The following PRKN variants were observed in gnomAD, a reference collection of about 807,000 sequenced individuals.
PRKN encodes E3 ubiquitin-protein ligase parkin.
Under a neutral mutation model 59.5 loss-of-function variants are expected in PRKN, and 56 were observed. The ratio of observed to expected loss-of-function variants is 0.94; its 90% CI spans 0.76 to 1.18. The LOEUF is 1.18. PRKN is among the 50% of genes most tolerant of loss of function. The pLI is 0.00. For missense variants in PRKN, 657 were observed against 596.4 expected (o/e 1.10, Z -1.06); for synonymous variants, 250 against 222.1 (o/e 1.13, Z -1.12).
intron 3 of PRKN, among the ~76,000 whole-genome samples, chr6:162,258,844 A>C (rs1053239793): frequency 6.6e-5 from 10 of 152,182 alleles, no homozygotes; most frequent in African/African-American, 2.4e-4. Flanking sequence ...TTGCGTTCTT[A>C]GTACCAACAG....
At chr6:161,838,319 C>A (rs572822193) in intron 6 of PRKN, among the ~76,000 whole-genome samples, 104 of 152,270 alleles carry the variant, frequency 6.8e-4, no homozygotes, top group African/African-American at 2.5e-3. Flanking sequence ...CAGTGTTACC[C>A]ATAAATAAAA....
At chr6:162,455,571 T>C (rs1490482753) in intron 1 of PRKN, among the ~76,000 whole-genome samples, 3 of 152,144 alleles carry the variant, frequency 2.0e-5, no homozygotes, top group South Asian at 2.1e-4. Context: ...CACCATCATA[T>C]ATGTGGTCCC....
chr6:161,840,470 A>T (rs1792937722), intron 6 of PRKN, among the ~76,000 whole-genome samples: 1 of 152,216 alleles, frequency 6.6e-6, no homozygotes, highest in Non-Finnish European at 1.5e-5. Context: ...GTTCAGGGGT[A>T]CATGTGCAGG....
At chr6:161,979,154 TTTTTTG>T (rs1264948937) in intron 5 of PRKN, among the ~76,000 whole-genome samples, 1 of 152,082 alleles carries the variant, frequency 6.6e-6, no homozygotes, top group East Asian at 1.9e-4. Context: ...AAATGGCCAG[TTTTTTG>T]TTTTTGTTTT....
intron 6 of PRKN, among the ~76,000 whole-genome samples, chr6:161,788,752 G>C (rs1310866797): frequency 1.3e-5 from 2 of 152,154 alleles, no homozygotes; most frequent in African/African-American, 4.8e-5. Context: ...CTGGAATGTT[G>C]TGTGTGTTTC....
At chr6:161,802,278 C>A (rs1359418614) in intron 6 of PRKN, among the ~76,000 whole-genome samples, 1 of 152,050 alleles carries the variant, frequency 6.6e-6, no homozygotes, top group Admixed American at 6.6e-5. Flanking sequence ...TGACTTTAAT[C>A]CATCCTCTAA....
At chr6:162,558,344 T>TTTTC (rs1554244079) in intron 1 of PRKN, among the ~76,000 whole-genome samples, 2 of 149,956 alleles carry the variant, frequency 1.3e-5, no homozygotes, top group East Asian at 1.9e-4. Context: ...TTTTTTTTTT[T>TTTTC]CTGAGACGGA....
intron 5 of PRKN, among the ~76,000 whole-genome samples, chr6:162,023,603 C>T (rs1048428911): frequency 1.6e-4 from 24 of 152,160 alleles, no homozygotes; most frequent in Admixed American, 9.2e-4. Context: ...CATCTTCTTC[C>T]GCCGATGTGC....
At chr6:161,747,449 AAG>A (rs907565411) in intron 7 of PRKN, among the ~76,000 whole-genome samples, 2 of 151,684 alleles carry the variant, frequency 1.3e-5, no homozygotes, top group African/African-American at 2.4e-5. Flanking sequence ...ATTGCAGAGA[AAG>A]AGAGAGAGAG....
chr6:162,064,812 A>T (rs1463697802), intron 4 of PRKN, among the ~76,000 whole-genome samples: 1 of 152,238 alleles, frequency 6.6e-6, no homozygotes, highest in African/African-American at 2.4e-5. Flanking sequence ...TACATAAAAC[A>T]AATAAAGCTG....
At chr6:162,281,555 A>G (rs1033775304) in intron 2 of PRKN, among the ~76,000 whole-genome samples, 1 of 152,172 alleles carries the variant, frequency 6.6e-6, no homozygotes, top group Non-Finnish European at 1.5e-5. Flanking sequence ...AAACTGACCT[A>G]AGAAAGGAGG....
At position 162,406,671 on chromosome 6, in the gene PRKN, G is replaced by A. The variant is rs551278058; in HGVS notation, c.171+36639C>T. Among the ~76,000 whole-genome samples, 3 of 152,244 alleles carry A rather than the reference G, an allele frequency of 2.0e-5. No individual in the cohort carries two copies. The South Asian group carries it at 6.2e-4, about 32-fold the overall frequency. On this transcript the variant is annotated intron_variant, in intron 2 of 11. Coordinates refer to ENST00000366898, the MANE Select transcript of PRKN (RefSeq NM_004562.3). ...AGTCTAATCATTACCAAGGCCCTGG[G>A]AACCCTCCTTGAAGAGAAGAGATAG...
chr6:161,789,253 A>G (rs896588555), intron 6 of PRKN, among the ~76,000 whole-genome samples: 1 of 152,186 alleles, frequency 6.6e-6, no homozygotes, highest in African/African-American at 2.4e-5. Flanking sequence ...TAAATGCTAA[A>G]TCAAAGAGGA....
chr6:162,347,035 C>T (rs1360847709), intron 2 of PRKN, among the ~76,000 whole-genome samples: 1 of 150,654 alleles, frequency 6.6e-6, no homozygotes. Context: ...GTATTTTTTT[C>T]TTGATCAGTC....
At chr6:161,381,834 C>T (rs923745088) in intron 10 of PRKN, among the ~76,000 whole-genome samples, 13 of 151,528 alleles carry the variant, frequency 8.6e-5, no homozygotes, top group African/African-American at 2.4e-4. Context: ...CTTTTTAGGC[C>T]GGGCGCAGTG....
In PRKN at chr6:161,388,509, A is replaced by G. The variant is rs1233044044; in HGVS notation, c.1084-1632T>C. ...CAGCAGAGGAGAGAGTGCCATCCAC[A>G]AGTATGGTGTGTGGATGATGGTGGT... is the stretch of plus-strand genomic sequence containing the variant. On this transcript the variant is annotated intron_variant, in intron 9 of 11. Transcript: ENST00000366898. This position sits in a 1 kb window ranked among gnomAD's most constrained non-coding sequence, Gnocchi z 4.3. Among the ~76,000 whole-genome samples the G allele has an allele frequency of 6.6e-6, 1 of 152,204 alleles. No homozygotes were observed. Among genetic ancestry groups the G allele is most frequent in the Non-Finnish European group, 1.5e-5 (1 of 68,022 alleles).
At position 161,503,847 on chromosome 6, in the gene PRKN, C is replaced by T. The variant is rs1246871041; in HGVS notation, c.1083+45007G>A. Among the ~76,000 whole-genome samples, 1 of 152,170 alleles carries T rather than the reference C, an allele frequency of 6.6e-6. No homozygotes were observed. Among genetic ancestry groups the T allele is most frequent in the Non-Finnish European group, 1.5e-5 (1 of 68,026 alleles). ...CCTGCTTCCCCCAGGAATCCACAGG[C>T]TTCTATTCTGATAATGATGATTATA... On this transcript the variant is annotated intron_variant, in intron 9 of 11. Transcript: ENST00000366898. This position sits in a 1 kb window ranked among gnomAD's most constrained non-coding sequence, Gnocchi z 5.1.
intron 3 of PRKN, among the ~76,000 whole-genome samples, chr6:162,253,317 T>TCTAATCTAATCTAATCTAAA (rs1779515446): frequency 6.6e-6 from 1 of 151,982 alleles, no homozygotes; most frequent in African/African-American, 2.4e-5. Context: ...TCTAATCTAA[T>TCTAATCTAATCTAATCTAAA]CTGTTTCTCC....
intron 1 of PRKN, among the ~76,000 whole-genome samples, chr6:162,445,502 C>A (rs1322084632): frequency 6.6e-6 from 1 of 151,836 alleles, no homozygotes; most frequent in Non-Finnish European, 1.5e-5. Flanking sequence ...GCCTGGGCAA[C>A]AAAGTGAGAC....
Sources: allele counts gnomAD v4.1 joint callset (sites outside exome capture counted in the v4.1 genomes callset), GRCh38; gene constraint gnomAD v4.1.1; non-coding constraint Gnocchi (gnomAD v3.1); transcripts MANE v1.5; gene names NCBI Gene and HGNC (gene_info 2026-07-23, HGNC 2026-07-21).